ZNF609: variants seen among roughly 807,000 people sequenced by gnomAD.
ZNF609 encodes the protein zinc finger protein 609.
Under a neutral mutation model 109.5 loss-of-function variants are expected in ZNF609, and 11 were observed. That is an observed-to-expected ratio of 0.10 (90% CI 0.06 to 0.17). The LOEUF (loss-of-function observed/expected upper bound fraction) is 0.17, where lower values mean the gene tolerates loss of function less well. ZNF609 is among the 10% of genes least tolerant of loss of function. The probability of loss-of-function intolerance (pLI) is 1.00; values close to 1 mark genes in which losing one functional copy is unlikely to be tolerated. For synonymous variants in ZNF609, 646 were observed against 662.0 expected (o/e 0.98, Z 0.37); for missense variants, 1,559 against 1,772.4 (o/e 0.88, Z 2.16).
intron 3 of ZNF609, among the ~76,000 whole-genome samples, chr15:64,664,270 TCATA>T (rs1422603711): frequency 6.6e-6 from 1 of 152,070 alleles, no homozygotes; most frequent in Non-Finnish European, 1.5e-5. Context: ...GACTAGTGCC[TCATA>T]CATGTCATCA....
At chr15:64,491,406 T>C (rs1169557570) in intron 1 of ZNF609, among the ~76,000 whole-genome samples, 2 of 152,234 alleles carry the variant, frequency 1.3e-5, no homozygotes, top group African/African-American at 2.4e-5. Flanking sequence ...AGCAACTTTG[T>C]TGTATCCCAT....
intron 3 of ZNF609, among the ~76,000 whole-genome samples, chr15:64,645,349 C>A (rs1896320649): frequency 6.6e-6 from 1 of 151,976 alleles, no homozygotes; most frequent in South Asian, 2.1e-4. Context: ...CCACAGCCTC[C>A]CAAAATGCTG....
intron 2 of ZNF609, among the ~76,000 whole-genome samples, chr15:64,586,131 C>G (rs1895191101): frequency 6.6e-6 from 1 of 152,032 alleles, no homozygotes; most frequent in African/African-American, 2.4e-5. Context: ...TCGAGACCAG[C>G]CTAACCAACA....
At chr15:64,496,166 A>C (rs1296890320) in intron 1 of ZNF609, among the ~76,000 whole-genome samples, 3 of 152,146 alleles carry the variant, frequency 2.0e-5, no homozygotes, top group Admixed American at 2.0e-4. Context: ...TTTGTTTATC[A>C]TGCATCCTGC....
chr15:64,523,867 CA>C lies in ZNF609; in HGVS notation c.747+23703del, dbSNP rs1673677139. ...ATGGCCTAAGCTCTGGGTAGAATTT[CA>C]ACTTTTTGCATGTTTATCAAATGGC... On this transcript the variant is annotated intron_variant, in intron 2 of 9. Transcript: ENST00000326648. 2.6e-5 allele frequency among the ~76,000 whole-genome samples: 4 copies of C among 151,994 alleles called. No individual in the cohort carries two copies. In the South Asian group the frequency reaches 8.3e-4, roughly 32 times the overall value.
intron 4 of ZNF609, among the ~76,000 whole-genome samples, chr15:64,672,234 G>C (rs920470775): frequency 1.3e-4 from 20 of 149,396 alleles, no homozygotes; most frequent in Middle Eastern, 3.4e-3. Flanking sequence ...GGATGGTCTC[G>C]ATCTCCTGAC....
intron 2 of ZNF609, among the ~76,000 whole-genome samples, chr15:64,529,938 C>T (rs1894033898): frequency 6.6e-6 from 1 of 151,608 alleles, no homozygotes; most frequent in African/African-American, 2.4e-5. Context: ...CCATGTTGGT[C>T]AGGCTGGTCT....
chr15:64,680,110 C>G, intron 6 of ZNF609, 75 bp from the exon 7 acceptor site: 6 of 1,513,380 alleles, frequency 4.0e-6, no homozygotes, highest in Non-Finnish European at 5.4e-6. Context: ...CTGATGCCCA[C>G]CCAATCAAGC....
chr15:64,601,978 CT>C (rs1567025878), intron 2 of ZNF609, among the ~76,000 whole-genome samples: 1 of 152,148 alleles, frequency 6.6e-6, no homozygotes, highest in Non-Finnish European at 1.5e-5. Context: ...GTCAGTTAAC[CT>C]TCCTGCAGCT....
At chr15:64,621,977 C>T (rs1452996339) in intron 2 of ZNF609, among the ~76,000 whole-genome samples, 2 of 151,920 alleles carry the variant, frequency 1.3e-5, no homozygotes, top group African/African-American at 2.4e-5. Flanking sequence ...CTGCCCACCT[C>T]GGCCTCCCAA....
chr15:64,614,712 T>G (rs189255694), intron 2 of ZNF609, among the ~76,000 whole-genome samples: 59 of 151,394 alleles, frequency 3.9e-4, no homozygotes, highest in African/African-American at 1.3e-3. Context: ...TTTTAATCCC[T>G]CTGCCCTGTA....
chr15:64,685,234 G>A lies in ZNF609; in HGVS notation c.*3548G>A, dbSNP rs992624458. On this transcript the variant is annotated 3_prime_UTR_variant, in exon 10 of 10. Coordinates refer to ENST00000326648, the MANE Select transcript of ZNF609 (RefSeq NM_015042.2). ...TTGCCTTTGTACATTCAGGCAAGAAGAGAAAATAAATCTTTTTAAGAGACA... is the reference window on the plus strand; with the variant it reads ...TTGCCTTTGTACATTCAGGCAAGAAAAGAAAATAAATCTTTTTAAGAGACA... 6.6e-6 allele frequency: 1 copy of A among 152,146 alleles called. No individual in the cohort carries two copies. Among genetic ancestry groups the A allele is most frequent in the African/African-American group, 2.4e-5 (1 of 41,292 alleles). 9.4% of individuals were successfully genotyped at this position (152,146 alleles called of 1,614,324 possible). A position where few individuals can be genotyped will look rare whatever the true frequency, so the allele number is the denominator to read the frequency against.
At chr15:64,481,770 G>A (rs1055723279) in intron 1 of ZNF609, among the ~76,000 whole-genome samples, 2 of 152,020 alleles carry the variant, frequency 1.3e-5, no homozygotes, top group African/African-American at 4.8e-5. Flanking sequence ...TTAGGTAAGA[G>A]ATTTTGTGTT....
At chr15:64,535,269 G>A (rs1894122476) in intron 2 of ZNF609, among the ~76,000 whole-genome samples, 1 of 151,994 alleles carries the variant, frequency 6.6e-6, no homozygotes, top group Non-Finnish European at 1.5e-5. Flanking sequence ...GGGCTGGTCT[G>A]GAACTCCTGG....
intron 2 of ZNF609, among the ~76,000 whole-genome samples, chr15:64,559,854 G>C (rs2140402160): frequency 6.6e-6 from 1 of 152,236 alleles, no homozygotes; most frequent in Non-Finnish European, 1.5e-5. Flanking sequence ...CCCACTTTGT[G>C]ATGTAAGCAA....
At chr15:64,553,505 T>C (rs946382986) in intron 2 of ZNF609, among the ~76,000 whole-genome samples, 2 of 151,766 alleles carry the variant, frequency 1.3e-5, no homozygotes, top group Admixed American at 6.6e-5. Flanking sequence ...CTATTGTAAA[T>C]GGTATTTTTA....
intron 2 of ZNF609, among the ~76,000 whole-genome samples, chr15:64,530,829 G>A (rs139821170): frequency 1.3e-5 from 2 of 152,284 alleles, no homozygotes; most frequent in Non-Finnish European, 2.9e-5. Flanking sequence ...CCCCTAGAGA[G>A]AAGTAATACT....
intron 2 of ZNF609, among the ~76,000 whole-genome samples, chr15:64,617,042 A>C (rs1169863515): frequency 6.8e-6 from 1 of 146,016 alleles, no homozygotes; most frequent in Non-Finnish European, 1.5e-5. Context: ...TCCTGGCCTC[A>C]GGTGATCCAC....
In ZNF609 at chr15:64,499,594, A is replaced by T; in HGVS notation, c.175A>T (p.Ile59Leu). The T allele has an allele frequency of 6.2e-7, 1 of 1,614,188 alleles. No individual in the cohort carries two copies. Among genetic ancestry groups the T allele is most frequent in the Non-Finnish European group, 8.5e-7 (1 of 1,180,022 alleles). ...LEMSGSKEVG[I>L]PAPNAVATLP... is the part of the protein sequence containing the mutation. ...AATGTCAGGCTCAAAGGAGGTGGGG[A>T]TACCGGCTCCCAATGCTGTGGCCAC... Residue 59 changes from isoleucine (I) to leucine (L), a missense_variant, in exon 2 of 10, where the codon ATA (isoleucine) becomes TTA (leucine). Coordinates refer to ENST00000326648, the MANE Select transcript of ZNF609 (RefSeq NM_015042.2).
Sources: allele counts gnomAD v4.1 joint callset (sites outside exome capture counted in the v4.1 genomes callset), GRCh38; gene constraint gnomAD v4.1.1; transcripts MANE v1.5; gene names NCBI Gene and HGNC (gene_info 2026-07-23, HGNC 2026-07-21).